The following ATP8A2 variants were observed in gnomAD, a reference collection of about 807,000 sequenced individuals.
ATP8A2 encodes the protein ATPase phospholipid transporting 8A2.
In ATP8A2, 100 loss-of-function variants were observed where a neutral mutation model predicts 165.6. The observed-to-expected ratio is 0.60, with a 90% CI of 0.51 to 0.71. The LOEUF (loss-of-function observed/expected upper bound fraction) is 0.71, where lower values mean the gene tolerates loss of function less well. Among genes scored for constraint, ATP8A2 ranks in the 30% least tolerant of loss-of-function variants. ATP8A2 has a pLI of 0.00. For missense variants in ATP8A2, 1,227 were observed against 1,479.5 expected (o/e 0.83, Z 2.80); for synonymous variants, 543 against 548.8 (o/e 0.99, Z 0.15).
intron 30 of ATP8A2, among the ~76,000 whole-genome samples, chr13:25,851,564 C>A (rs181808328): frequency 2.7e-5 from 4 of 147,338 alleles, no homozygotes; most frequent in African/African-American, 1.0e-4. Flanking sequence ...GCCTGGGTGA[C>A]AGAGTGTGAC....
At position 25,610,757 on chromosome 13, in the gene ATP8A2, G is replaced by A. The variant is rs552308368; in HGVS notation, c.2211+21058G>A. On this transcript the variant is annotated intron_variant, in intron 24 of 36. Coordinates refer to ENST00000381655, the MANE Select transcript of ATP8A2 (RefSeq NM_016529.6). ...ATTTCCATTTGTTTGTGTTGTTTAC[G>A]ATTTCTTTCAGCAGTGTTTTGTATT... Among the ~76,000 whole-genome samples, 61 of 151,690 alleles carry A rather than the reference G, an allele frequency of 4.0e-4. 1 individual carries two copies. The South Asian group carries it at 0.011, about 27-fold the overall frequency.
chr13:25,892,021 C>T lies in ATP8A2; in HGVS notation c.3183+29613C>T, dbSNP rs555468969. Among the ~76,000 whole-genome samples, 573 of 150,154 alleles carry T rather than the reference C, an allele frequency of 3.8e-3. 2 individuals carry two copies. Among genetic ancestry groups the T allele is most frequent in the African/African-American group, 0.013 (547 of 40,594 alleles). On this transcript the variant is annotated intron_variant, in intron 33 of 36. Coordinates refer to ENST00000381655, the MANE Select transcript of ATP8A2 (RefSeq NM_016529.6). ...TTTTTTTTGGAGATGGAGTCTGGCT[C>T]TGTTGCCCAGGCTGGAGTGCAGGGG... is the stretch of plus-strand genomic sequence containing the variant.
At chr13:25,520,181 C>G (rs941731555) in intron 2 of ATP8A2, among the ~76,000 whole-genome samples, 1 of 152,150 alleles carries the variant, frequency 6.6e-6, no homozygotes, top group Non-Finnish European at 1.5e-5. Flanking sequence ...TCCGTGCTAC[C>G]CCTCCTAGCC....
intron 1 of ATP8A2, among the ~76,000 whole-genome samples, chr13:25,395,271 GT>G (rs2033382922): frequency 6.6e-6 from 1 of 152,046 alleles, no homozygotes; most frequent in Non-Finnish European, 1.5e-5. Context: ...TGTCCACTTA[GT>G]TACCAAAGCC....
chr13:25,561,044 A>T (rs9551212), intron 15 of ATP8A2, among the ~76,000 whole-genome samples: 1 of 150,920 alleles, frequency 6.6e-6, no homozygotes, highest in Non-Finnish European at 1.5e-5. Context: ...CCACCACCAC[A>T]CCCAGCTAAT....
At chr13:25,631,827 C>G (rs1295213124) in intron 24 of ATP8A2, among the ~76,000 whole-genome samples, 1 of 152,160 alleles carries the variant, frequency 6.6e-6, no homozygotes, top group Non-Finnish European at 1.5e-5. Flanking sequence ...TTTGCGTACT[C>G]TCACTCAGTA....
At chr13:25,803,520 A>G (rs1950664359) in intron 27 of ATP8A2, among the ~76,000 whole-genome samples, 2 of 152,242 alleles carry the variant, frequency 1.3e-5, no homozygotes, top group African/African-American at 4.8e-5. Flanking sequence ...GCCCAGATAT[A>G]AACTTTATTT....
At chr13:25,968,065 C>G (rs1955822156) in intron 34 of ATP8A2, among the ~76,000 whole-genome samples, 1 of 152,174 alleles carries the variant, frequency 6.6e-6, no homozygotes, top group African/African-American at 2.4e-5. Context: ...AGACCATGCA[C>G]TCTAGCATCC....
intron 1 of ATP8A2, among the ~76,000 whole-genome samples, chr13:25,444,466 G>T (rs1407163796): frequency 6.6e-6 from 1 of 152,114 alleles, no homozygotes; most frequent in Non-Finnish European, 1.5e-5. Context: ...ACCGCCAAAA[G>T]AGTTTTCTAA....
chr13:25,648,976 A>G (rs746865412), intron 24 of ATP8A2: 1 of 487,948 alleles, frequency 2.0e-6, no homozygotes, highest in Non-Finnish European at 4.1e-6. Flanking sequence ...GATTTTTCTA[A>G]ATTTTTTGTC....
At chr13:25,645,790 A>AT (rs2041656622) in intron 24 of ATP8A2, among the ~76,000 whole-genome samples, 1 of 152,086 alleles carries the variant, frequency 6.6e-6, no homozygotes, top group Non-Finnish European at 1.5e-5. Context: ...GCTTGGTATG[A>AT]TTCCAGTTTT....
At chr13:25,917,512 G>A (rs907441155) in intron 33 of ATP8A2, among the ~76,000 whole-genome samples, 6 of 152,246 alleles carry the variant, frequency 3.9e-5, no homozygotes, top group Non-Finnish European at 5.9e-5. Context: ...GAAAGACAGA[G>A]AAGAGGTAAT....
At chr13:25,447,740 C>T (rs961293002) in intron 1 of ATP8A2, among the ~76,000 whole-genome samples, 2 of 152,132 alleles carry the variant, frequency 1.3e-5, no homozygotes, top group African/African-American at 2.4e-5. Context: ...GGTCCTTGTC[C>T]AGTGTCCAGG....
intron 24 of ATP8A2, among the ~76,000 whole-genome samples, chr13:25,696,601 A>G (rs2042839287): frequency 6.6e-6 from 1 of 152,162 alleles, no homozygotes; most frequent in Non-Finnish European, 1.5e-5. Flanking sequence ...TTTAAACCTC[A>G]TAAACCAATA....
In ATP8A2 at chr13:25,389,193, A is replaced by G. The variant is rs1019374314; in HGVS notation, c.76+16905A>G. On this transcript the variant is annotated intron_variant, in intron 1 of 36. Coordinates refer to ENST00000381655, the MANE Select transcript of ATP8A2 (RefSeq NM_016529.6). ...GAAAATAGGCAAGTTTGGAAACAGGAAACTCTAGCATTTTAGATGTAAGGA... is the reference window on the plus strand; with the variant it reads ...GAAAATAGGCAAGTTTGGAAACAGGGAACTCTAGCATTTTAGATGTAAGGA... Among the ~76,000 whole-genome samples the G allele has an allele frequency of 2.6e-5, 4 of 152,244 alleles. No homozygotes were observed. In the East Asian group the frequency reaches 7.7e-4, roughly 29 times the overall value.
intron 33 of ATP8A2, among the ~76,000 whole-genome samples, chr13:25,891,924 T>G (rs1390683602): frequency 6.6e-6 from 1 of 152,200 alleles, no homozygotes; most frequent in Non-Finnish European, 1.5e-5. Flanking sequence ...TGTGTGTGGT[T>G]TGCTTGATTT....
chr13:25,463,138 T>TTTA (rs2035550401), intron 1 of ATP8A2, among the ~76,000 whole-genome samples: 1 of 150,734 alleles, frequency 6.6e-6, no homozygotes, highest in South Asian at 2.1e-4. Context: ...TTTTTTTTTT[T>TTTA]TTTTTGAGAT....
intron 25 of ATP8A2, among the ~76,000 whole-genome samples, chr13:25,763,519 A>G (rs2044427399): frequency 1.3e-5 from 2 of 152,108 alleles, no homozygotes; most frequent in Non-Finnish European, 1.5e-5. Context: ...GCCTCTAGAT[A>G]AGCTAACCCA....
At chr13:25,473,576 A>AT (rs2035907692) in intron 2 of ATP8A2, among the ~76,000 whole-genome samples, 1 of 152,294 alleles carries the variant, frequency 6.6e-6, no homozygotes, top group South Asian at 2.1e-4. Context: ...CAATTCAGTG[A>AT]TTTTTAATAT....
Sources: allele counts gnomAD v4.1 joint callset (sites outside exome capture counted in the v4.1 genomes callset), GRCh38; gene constraint gnomAD v4.1.1; transcripts MANE v1.5; gene names NCBI Gene and HGNC (gene_info 2026-07-23, HGNC 2026-07-21).